AP1S3: variants seen among roughly 807,000 people sequenced by gnomAD.
The protein encoded by AP1S3 is AP-1 complex subunit sigma-3.
Under a neutral mutation model 20.9 loss-of-function variants are expected in AP1S3, and 10 were observed. The ratio of observed to expected loss-of-function variants is 0.48; its 90% CI spans 0.29 to 0.81. The LOEUF (loss-of-function observed/expected upper bound fraction) is 0.81. Ranked by LOEUF, AP1S3 falls within the 30% of genes least tolerant of loss-of-function variation. The probability of loss-of-function intolerance (pLI) is 0.08; values close to 1 mark genes in which losing one functional copy is unlikely to be tolerated. For synonymous variants in AP1S3, 41 were observed against 61.5 expected (o/e 0.67, Z 1.56); for missense variants, 154 against 183.8 (o/e 0.84, Z 0.94).
At chr2:223,801,729 C>A (rs1300672299) in intron 1 of AP1S3, among the ~76,000 whole-genome samples, 1 of 152,136 alleles carries the variant, frequency 6.6e-6, no homozygotes, top group Non-Finnish European at 1.5e-5. Context: ...CAGGCGTGAG[C>A]CACTGCACCC....
chr2:223,771,337 G>A (rs1011876365), intron 3 of AP1S3, among the ~76,000 whole-genome samples: 20 of 151,814 alleles, frequency 1.3e-4, no homozygotes, highest in Admixed American at 2.6e-4. Context: ...ACTCTGTCTC[G>A]GGAAAAAGAA....
intron 1 of AP1S3, among the ~76,000 whole-genome samples, chr2:223,780,345 A>AGTGTGTGTGT (rs1424927955): frequency 2.8e-5 from 3 of 105,786 alleles, no homozygotes; most frequent in Non-Finnish European, 5.6e-5. Flanking sequence ...AGAGAGAGAG[A>AGTGTGTGTGT]GAGAGAGAGA....
chr2:223,800,536 A>AT (rs1418318798), intron 1 of AP1S3, among the ~76,000 whole-genome samples: 1 of 152,016 alleles, frequency 6.6e-6, no homozygotes, highest in African/African-American at 2.4e-5. Flanking sequence ...CTCTTTAAAA[A>AT]AAAAATCAAT....
At chr2:223,822,236 A>G (rs991701577) in intron 1 of AP1S3, among the ~76,000 whole-genome samples, 1 of 152,008 alleles carries the variant, frequency 6.6e-6, no homozygotes, top group African/African-American at 2.4e-5. Context: ...CAAAAAAAAT[A>G]GAAAAAATGA....
intron 1 of AP1S3, among the ~76,000 whole-genome samples, chr2:223,806,406 C>A (rs1219807419): frequency 6.6e-6 from 1 of 151,298 alleles, no homozygotes; most frequent in Non-Finnish European, 1.5e-5. Context: ...GCCTCAACCT[C>A]TCGAGTAGGT....
intron 1 of AP1S3, among the ~76,000 whole-genome samples, chr2:223,816,112 T>C (rs1229183923): frequency 1.3e-5 from 2 of 152,140 alleles, no homozygotes; most frequent in African/African-American, 2.4e-5. Flanking sequence ...CTCTTAAAAA[T>C]AGAAAGTCAA....
At chr2:223,778,349 C>G (rs963181951) in intron 1 of AP1S3, among the ~76,000 whole-genome samples, 1 of 152,108 alleles carries the variant, frequency 6.6e-6, no homozygotes. Context: ...TGGTCTCGAA[C>G]TCCTGACCTC....
chr2:223,756,978 T>C lies in AP1S3; in HGVS notation c.*1737A>G, dbSNP rs1260276637. ...GCAGCAAGACAGAATACTACAAGCT[T>C]TTACTTTTTCTTTTTTTTTTTTTTT... On this transcript the variant is annotated 3_prime_UTR_variant, in exon 5 of 5. Coordinates refer to ENST00000396654, the MANE Select transcript of AP1S3 (RefSeq NM_001039569.2). The C allele has an allele frequency of 2.6e-5, 26 of 984,766 alleles. No individual in the cohort carries two copies. Among genetic ancestry groups the C allele is most frequent in the Non-Finnish European group, 3.1e-5 (26 of 829,970 alleles). The allele number at this position is 984,766 out of a possible 1,614,324, so 61.0% of individuals were successfully genotyped here.
At chr2:223,793,783 T>G (rs1691269936) in intron 1 of AP1S3, among the ~76,000 whole-genome samples, 1 of 152,044 alleles carries the variant, frequency 6.6e-6, no homozygotes, top group Admixed American at 6.6e-5. Flanking sequence ...ACATCTCCCC[T>G]TTTCCCACCA....
intron 1 of AP1S3, among the ~76,000 whole-genome samples, chr2:223,788,010 G>A (rs1243788085): frequency 2.0e-5 from 3 of 152,142 alleles, no homozygotes; most frequent in South Asian, 2.1e-4. Flanking sequence ...AGGCTGGAGC[G>A]CAGTGGTGTG....
At chr2:223,833,525 G>T (rs957079469) in intron 1 of AP1S3, among the ~76,000 whole-genome samples, 1 of 152,154 alleles carries the variant, frequency 6.6e-6, no homozygotes, top group African/African-American at 2.4e-5. Flanking sequence ...AGAAACCAGG[G>T]TCACTGGCAC....
At chr2:223,771,476 C>T (rs557317048) in intron 3 of AP1S3, among the ~76,000 whole-genome samples, 2 of 152,364 alleles carry the variant, frequency 1.3e-5, no homozygotes, top group South Asian at 4.1e-4. Flanking sequence ...CTTGCTCCCT[C>T]ACCATGTTAA....
At position 223,809,146 on chromosome 2, in the gene AP1S3, CA is replaced by C. The variant is rs1162031058; in HGVS notation, c.3+28301del. Among the ~76,000 whole-genome samples the C allele has an allele frequency of 8.5e-5, 13 of 152,310 alleles. No homozygotes were observed. The East Asian group carries it at 1.5e-3, about 18-fold the overall frequency. On this transcript the variant is annotated intron_variant, in intron 1 of 4. Transcript: ENST00000396654. ...GGTCAGAGCAGGTCACTCCCCTGCA[CA>C]AAACTTCTCTCCAGGAAAGAGCCAA...
Position 223,756,988 on chromosome 2 carries a change from CTTTTT to C in AP1S3, c.*1722_*1726del. 1 of 934,692 alleles carries C rather than the reference CTTTTT, an allele frequency of 1.1e-6. No homozygotes were observed. The highest frequency in any genetic ancestry group is 1.3e-6 in the Non-Finnish European group (1 of 791,570). 57.9% of individuals were successfully genotyped at this position (934,692 alleles called of 1,614,324 possible). Reference sequence around the variant, plus strand: ...AGAATACTACAAGCTTTTACTTTTTCTTTTTTTTTTTTTTTTTCTTGAGACGCAGT... The same window carrying C: ...AGAATACTACAAGCTTTTACTTTTTCTTTTTTTTTTTTCTTGAGACGCAGT... On this transcript the variant is annotated 3_prime_UTR_variant, in exon 5 of 5. Coordinates refer to ENST00000396654, the MANE Select transcript of AP1S3 (RefSeq NM_001039569.2).
At position 223,762,543 on chromosome 2, in the gene AP1S3, G is replaced by T. The variant is rs532602084; in HGVS notation, c.429+2670C>A. On this transcript the variant is annotated intron_variant, in intron 4 of 4. Coordinates refer to ENST00000396654, the MANE Select transcript of AP1S3 (RefSeq NM_001039569.2). ...CCACCTCGGCCTCCCAAAGTGTTGG[G>T]CTTACAGACGTGAGCCACCACGCCC... Among the ~76,000 whole-genome samples the T allele has an allele frequency of 2.0e-5, 3 of 152,252 alleles. No homozygotes were observed. The East Asian group carries it at 5.8e-4, about 29-fold the overall frequency.
chr2:223,773,076 G>C (rs1320484801), intron 3 of AP1S3, among the ~76,000 whole-genome samples: 1 of 152,178 alleles, frequency 6.6e-6, no homozygotes. Context: ...AGAGAAATGG[G>C]AATTCATTCT....
At chr2:223,825,462 A>C (rs1419960004) in intron 1 of AP1S3, among the ~76,000 whole-genome samples, 1 of 151,760 alleles carries the variant, frequency 6.6e-6, no homozygotes, top group East Asian at 1.9e-4. Flanking sequence ...TCATACACAC[A>C]CTGTTTTCTG....
At chr2:223,770,367 G>A in intron 3 of AP1S3, 1 of 1,548,382 alleles carries the variant, frequency 6.5e-7, no homozygotes, top group South Asian at 1.2e-5. Context: ...AATTCTCCAG[G>A]AACTTCTTAT....
At chr2:223,784,730 G>A (rs1405468104) in intron 1 of AP1S3, among the ~76,000 whole-genome samples, 1 of 152,142 alleles carries the variant, frequency 6.6e-6, no homozygotes, top group Non-Finnish European at 1.5e-5. Context: ...CAGGTATAGT[G>A]GCTCATGCTT....
Sources: gnomAD v4.1 joint callset for allele counts (sites outside exome capture counted in the v4.1 genomes callset) on GRCh38, gnomAD v4.1.1 for gene constraint, MANE v1.5 for transcripts, NCBI Gene and HGNC (gene_info 2026-07-23, HGNC 2026-07-21) for gene names.